The following NDUFAF2 variants were observed in gnomAD, a reference collection of about 807,000 sequenced individuals.
NDUFAF2 encodes NADH:ubiquinone oxidoreductase complex assembly factor 2.
A neutral mutation model predicts 22.8 loss-of-function variants in NDUFAF2; 13 were observed. The observed-to-expected ratio is 0.57, with a 90% CI of 0.37 to 0.91. The LOEUF (loss-of-function observed/expected upper bound fraction) is 0.91. NDUFAF2 is among the 40% of genes least tolerant of loss of function. NDUFAF2 has a pLI of 0.01. For missense variants in NDUFAF2, 162 were observed against 195.2 expected (o/e 0.83, Z 1.01); for synonymous variants, 53 against 64.2 (o/e 0.83, Z 0.84).
intron 1 of NDUFAF2, among the ~76,000 whole-genome samples, chr5:61,003,912 C>T (rs1751331355): frequency 6.6e-6 from 1 of 152,022 alleles, no homozygotes; most frequent in African/African-American, 2.4e-5. Context: ...AGTGATCCTT[C>T]CACCTTGGCC....
At chr5:61,117,848 A>T (rs1752931134) in intron 3 of NDUFAF2, among the ~76,000 whole-genome samples, 1 of 152,144 alleles carries the variant, frequency 6.6e-6, no homozygotes, top group Admixed American at 6.6e-5. Context: ...TATAGATGGT[A>T]TGTAAATAAG....
intron 2 of NDUFAF2, among the ~76,000 whole-genome samples, chr5:61,076,219 C>G (rs1334114040): frequency 6.6e-6 from 1 of 151,980 alleles, no homozygotes; most frequent in Non-Finnish European, 1.5e-5. Context: ...TACAGGTGCC[C>G]GCCACCACGC....
At chr5:60,971,623 C>G (rs1472083403) in intron 1 of NDUFAF2, among the ~76,000 whole-genome samples, 1 of 150,650 alleles carries the variant, frequency 6.6e-6, no homozygotes, top group African/African-American at 2.4e-5. Context: ...TCCCCCAACC[C>G]CATGACAGGC....
intron 1 of NDUFAF2, among the ~76,000 whole-genome samples, chr5:60,992,944 G>T (rs1217531461): frequency 6.6e-6 from 1 of 152,120 alleles, no homozygotes; most frequent in Non-Finnish European, 1.5e-5. Context: ...AAACCTCTTT[G>T]GCCTGTGGCA....
At position 61,114,342 on chromosome 5, in the gene NDUFAF2, A is replaced by G. The variant is rs185699324; in HGVS notation, c.258+15310A>G. On this transcript the variant is annotated intron_variant, in intron 3 of 3. Coordinates refer to ENST00000296597, the MANE Select transcript of NDUFAF2 (RefSeq NM_174889.5). Reference sequence around the variant, plus strand: ...CTCTGATGCATTCTTCAGTATGTCAATTGCATTTTTCAACTCAGAATTTCT... The same window carrying G: ...CTCTGATGCATTCTTCAGTATGTCAGTTGCATTTTTCAACTCAGAATTTCT... 5 of 152,256 alleles carry G rather than the reference A, an allele frequency of 3.3e-5. 1 individual carries two copies. The highest frequency in any genetic ancestry group is 3.9e-4 in the East Asian group (2 of 5,186). The allele number at this position is 152,256 out of a possible 1,614,324, so 9.4% of individuals were successfully genotyped here.
chr5:61,029,765 G>T (rs1391075169), intron 1 of NDUFAF2, among the ~76,000 whole-genome samples: 1 of 152,090 alleles, frequency 6.6e-6, no homozygotes, highest in Non-Finnish European at 1.5e-5. Context: ...CCTATTTTCA[G>T]ATTTAAAATG....
At chr5:60,946,664 T>C (rs895736112) in intron 1 of NDUFAF2, among the ~76,000 whole-genome samples, 1 of 152,230 alleles carries the variant, frequency 6.6e-6, no homozygotes, top group African/African-American at 2.4e-5. Context: ...AATTGAAATA[T>C]AATTTACATA....
At chr5:60,996,629 C>T (rs1463777395) in intron 1 of NDUFAF2, among the ~76,000 whole-genome samples, 1 of 152,150 alleles carries the variant, frequency 6.6e-6, no homozygotes, top group Non-Finnish European at 1.5e-5. Context: ...ATCCTTATGG[C>T]CTAGACTGCC....
intron 1 of NDUFAF2, among the ~76,000 whole-genome samples, chr5:61,026,216 A>G (rs1004663031): frequency 1.3e-5 from 2 of 152,094 alleles, no homozygotes; most frequent in Non-Finnish European, 2.9e-5. Flanking sequence ...TTATATTTCC[A>G]TAAAGGCCAT....
chr5:61,052,166 G>C (rs1481932817), intron 1 of NDUFAF2, among the ~76,000 whole-genome samples: 1 of 148,232 alleles, frequency 6.7e-6, no homozygotes, highest in African/African-American at 2.4e-5. Flanking sequence ...GTCCAGAAAA[G>C]GAAACAGTTG....
At chr5:61,148,977 CATTT>C (rs1741189001) in intron 3 of NDUFAF2, among the ~76,000 whole-genome samples, 1 of 151,868 alleles carries the variant, frequency 6.6e-6, no homozygotes, top group Admixed American at 6.6e-5. Flanking sequence ...TTGGTTTATT[CATTT>C]ATTTTTTGAG....
intron 1 of NDUFAF2, among the ~76,000 whole-genome samples, chr5:60,955,025 A>G (rs1472991594): frequency 6.6e-6 from 1 of 152,094 alleles, no homozygotes; most frequent in African/African-American, 2.4e-5. Flanking sequence ...GTCCTATTCC[A>G]TAGGTTGCCT....
chr5:61,035,862 A>G (rs576257052), intron 1 of NDUFAF2, among the ~76,000 whole-genome samples: 19 of 152,248 alleles, frequency 1.2e-4, no homozygotes, highest in African/African-American at 3.4e-4. Context: ...AATAGCAAAA[A>G]TTTTCATAAG....
At chr5:60,971,082 T>C (rs1750820364) in intron 1 of NDUFAF2, among the ~76,000 whole-genome samples, 1 of 151,848 alleles carries the variant, frequency 6.6e-6, no homozygotes, top group African/African-American at 2.4e-5. Flanking sequence ...AAATTTTGGG[T>C]CATGCTTAAT....
chr5:61,069,456 G>A (rs1456128643), intron 1 of NDUFAF2, among the ~76,000 whole-genome samples: 2 of 151,820 alleles, frequency 1.3e-5, no homozygotes, highest in Non-Finnish European at 2.9e-5. Context: ...TATTTTTATG[G>A]GTGAGCAAAA....
chr5:61,128,448 G>T (rs1388687634), intron 3 of NDUFAF2, among the ~76,000 whole-genome samples: 1 of 152,146 alleles, frequency 6.6e-6, no homozygotes, highest in Non-Finnish European at 1.5e-5. Context: ...TACCAAAACA[G>T]AGATATAGAC....
chr5:60,968,721 T>G (rs1361476028), intron 1 of NDUFAF2, among the ~76,000 whole-genome samples: 1 of 152,052 alleles, frequency 6.6e-6, no homozygotes, highest in African/African-American at 2.4e-5. Context: ...TCAATTACAC[T>G]CTTCTAGTTA....
chr5:61,104,452 A>G (rs994477409), intron 3 of NDUFAF2, among the ~76,000 whole-genome samples: 4 of 152,096 alleles, frequency 2.6e-5, no homozygotes, highest in Admixed American at 6.6e-5. Context: ...TTCATTTTTA[A>G]TATACATACT....
chr5:61,126,684 A>T (rs57108975), intron 3 of NDUFAF2, among the ~76,000 whole-genome samples: 2,579 of 152,196 alleles, frequency 0.017, 78 homozygotes, highest in African/African-American at 0.059. Flanking sequence ...GTATTGGCAA[A>T]ATACTTACAT....
Sources: allele counts gnomAD v4.1 joint callset (sites outside exome capture counted in the v4.1 genomes callset), GRCh38; gene constraint gnomAD v4.1.1; transcripts MANE v1.5; gene names NCBI Gene and HGNC (gene_info 2026-07-23, HGNC 2026-07-21).